Variants in ADGRL2 observed in about 807,000 individuals in gnomAD.
ADGRL2 encodes calcium-independent alpha-latrotoxin receptor 2.
Under a neutral mutation model 157.4 loss-of-function variants are expected in ADGRL2, and 44 were observed. The ratio of observed to expected loss-of-function variants is 0.28; its 90% CI spans 0.22 to 0.36. ADGRL2 has a LOEUF of 0.36. Among genes scored for constraint, ADGRL2 ranks in the 10% least tolerant of loss-of-function variants. The pLI, the probability that ADGRL2 is intolerant of heterozygous loss-of-function variation, is 1.00. For missense variants in ADGRL2, 1,510 were observed against 1,768.9 expected (o/e 0.85, Z 2.63); for synonymous variants, 585 against 624.7 (o/e 0.94, Z 0.95).
intron 2 of ADGRL2, among the ~76,000 whole-genome samples, chr1:81,868,915 G>C (rs930370315): frequency 2.0e-5 from 3 of 152,240 alleles, no homozygotes; most frequent in African/African-American, 7.2e-5. Context: ...AGATGCATTG[G>C]AATGTGTAAT....
chr1:81,534,451 C>T (rs995971440), intron 2 of ADGRL2, among the ~76,000 whole-genome samples: 5 of 152,150 alleles, frequency 3.3e-5, no homozygotes, highest in Admixed American at 6.5e-5. Flanking sequence ...CGTTAGCCAC[C>T]GCACCAGGCC....
intron 1 of ADGRL2, among the ~76,000 whole-genome samples, chr1:81,372,575 T>C (rs1281130935): frequency 1.3e-5 from 2 of 152,234 alleles, no homozygotes; most frequent in Non-Finnish European, 2.9e-5. Flanking sequence ...TTTGGCTTCC[T>C]TTGCTTATGG....
chr1:81,990,577 A>G lies in ADGRL2; in HGVS notation c.3842A>G (p.Asn1281Ser). 2.5e-6 allele frequency: 4 copies of G among 1,614,136 alleles called. No homozygotes were observed. Among genetic ancestry groups the G allele is most frequent in the Non-Finnish European group, 3.4e-6 (4 of 1,180,006 alleles). Residue 1281 changes from asparagine to serine, a missense_variant, in exon 24 of 24, where the codon AAC (asparagine) becomes AGC (serine). By Grantham distance (46) the Asn-to-Ser change is conservative (BLOSUM62 1). Coordinates refer to ENST00000686636, the MANE Select transcript of ADGRL2 (RefSeq NM_001366006.2). ...KMIISELVHN[N>S]LRGSSKTHNL... ...ATCATTTCAGAATTAGTGCACAACA[A>G]CTTACGGGGCAGCAGCAAGACTCAC...
chr1:81,935,650 A>G (rs1255729040), intron 3 of ADGRL2, among the ~76,000 whole-genome samples: 1 of 151,990 alleles, frequency 6.6e-6, no homozygotes, highest in Non-Finnish European at 1.5e-5. Flanking sequence ...CAACTGTTAC[A>G]TAAATGTTAT....
At chr1:81,528,713 A>G (rs1486408298) in intron 2 of ADGRL2, among the ~76,000 whole-genome samples, 1 of 151,824 alleles carries the variant, frequency 6.6e-6, no homozygotes, top group Admixed American at 6.6e-5. Context: ...TGGTAGTCTG[A>G]ACACCTGGAA....
chr1:81,810,586 C>T (rs540768919), intron 1 of ADGRL2, among the ~76,000 whole-genome samples: 3 of 151,990 alleles, frequency 2.0e-5, no homozygotes, highest in South Asian at 2.1e-4. Context: ...TTAGTTCTTA[C>T]AATTCCTGAC....
At chr1:81,575,349 G>T (rs1017736374) in intron 2 of ADGRL2, among the ~76,000 whole-genome samples, 1 of 151,976 alleles carries the variant, frequency 6.6e-6, no homozygotes, top group Admixed American at 6.6e-5. Context: ...TTAAATTCAC[G>T]GAAAGGTTAA....
At chr1:81,554,292 A>C (rs2080219419) in intron 2 of ADGRL2, among the ~76,000 whole-genome samples, 1 of 152,190 alleles carries the variant, frequency 6.6e-6, no homozygotes, top group African/African-American at 2.4e-5. Context: ...ATATTGGCAG[A>C]GTGCCACTTG....
chr1:81,869,075 C>T (rs1327492250), intron 2 of ADGRL2, among the ~76,000 whole-genome samples: 1 of 152,014 alleles, frequency 6.6e-6, no homozygotes, highest in Admixed American at 6.6e-5. Context: ...TGAAATCAGT[C>T]AGACTTGGAG....
chr1:81,483,390 A>G (rs2078432608), intron 2 of ADGRL2, among the ~76,000 whole-genome samples: 2 of 152,230 alleles, frequency 1.3e-5, no homozygotes, highest in Admixed American at 1.3e-4. Flanking sequence ...GCATTTAGCA[A>G]CATAGAAGTA....
chr1:81,786,961 T>A (rs183393679), intron 2 of ADGRL2, among the ~76,000 whole-genome samples: 1 of 152,294 alleles, frequency 6.6e-6, no homozygotes, highest in African/African-American at 2.4e-5. Context: ...AGGGACCCGG[T>A]AGGAGATAAT....
At chr1:81,313,998 C>A (rs921292197) in intron 1 of ADGRL2, among the ~76,000 whole-genome samples, 1 of 152,108 alleles carries the variant, frequency 6.6e-6, no homozygotes, top group Non-Finnish European at 1.5e-5. Context: ...ATATTAAGTG[C>A]ACTGTTAGTG....
rs1469326410 is a variant in ADGRL2 at position 81,642,969 on chromosome 1, AC to A, written c.-143+61990del. Among the ~76,000 whole-genome samples, 20 of 152,208 alleles carry A rather than the reference AC, an allele frequency of 1.3e-4. 1 individual carries two copies. ...ATACGAAAAAGAAATCCTACAGCTA[AC>A]ATCTTACTTAGTGGTGAGAAACTCA... On this transcript the variant is annotated intron_variant, in intron 3 of 24. Coordinates refer to the ADGRL2 transcript ENST00000370721.
chr1:81,374,579 A>AAAAAAAAAAAACAAAC (rs922521913), intron 1 of ADGRL2, among the ~76,000 whole-genome samples: 20 of 30,652 alleles, frequency 6.5e-4, no homozygotes, highest in South Asian at 2.7e-3. Flanking sequence ...CTCAAAAAAG[A>AAAAAAAAAAAACAAAC]AAAAAAAAAC....
In ADGRL2 at chr1:81,461,930, AGGG is replaced by A. The variant is rs71693648; in HGVS notation, c.-248+16851_-248+16853del. On this transcript the variant is annotated intron_variant, in intron 2 of 24. Coordinates refer to the ADGRL2 transcript ENST00000370721. ...TTCCAAAGAAGGAAGAAAAGAAGAA[AGGG>A]GGGGGGGGGTGGTGGAGAAAGAGAG... Among the ~76,000 whole-genome samples the A allele has an allele frequency of 3.8e-3, 253 of 67,286 alleles. 9 individuals are homozygous for A. The highest frequency in any genetic ancestry group is 0.011 in the African/African-American group (219 of 20,484). 44.1% of individuals were successfully genotyped at this position (67,286 alleles called of 152,430 possible). A position where few individuals can be genotyped will look rare whatever the true frequency, so the allele number is the denominator to read the frequency against.
rs117985723 is a variant in ADGRL2, at chr1:81,824,533, C to T, written c.-100-12352C>T. 6.3e-4 allele frequency among the ~76,000 whole-genome samples: 96 copies of T among 152,234 alleles called. No individual in the cohort carries two copies. In the East Asian group the frequency reaches 0.017, roughly 27 times the overall value. ...CAAGCCATCCTCCTGCCTTGGCTCC[C>T]CAAATTGCTGGGATTTACAGGCATG... On this transcript the variant is annotated intron_variant, in intron 1 of 23. Transcript: ENST00000686636.
rs184826180 is a variant in ADGRL2, at chr1:81,751,759, A to C, written c.-142-10052A>C. 9.2e-5 allele frequency among the ~76,000 whole-genome samples: 14 copies of C among 152,328 alleles called. No individual in the cohort carries two copies. The East Asian group carries it at 1.9e-3, about 21-fold the overall frequency. Reference sequence around the variant, plus strand: ...GAAAATATCCTTGTTTGTTGAAAAAAATATGTTGAAGTATTTGGGAATAAT... The same window carrying C: ...GAAAATATCCTTGTTTGTTGAAAAACATATGTTGAAGTATTTGGGAATAAT... On this transcript the variant is annotated intron_variant, in intron 1 of 20. Transcript: ENST00000359929.
chr1:81,609,694 G>A (rs1490447506), intron 3 of ADGRL2, among the ~76,000 whole-genome samples: 1 of 152,298 alleles, frequency 6.6e-6, no homozygotes, highest in East Asian at 1.9e-4. Context: ...TATTCCAGAA[G>A]AAGTATTCTG....
chr1:81,970,941 T>G (rs1419144564), intron 16 of ADGRL2, among the ~76,000 whole-genome samples: 2 of 152,156 alleles, frequency 1.3e-5, no homozygotes, highest in Admixed American at 6.5e-5. Context: ...CATTCTGAAT[T>G]GTGACAGTAG....
Sources: gnomAD v4.1 joint callset for allele counts (sites outside exome capture counted in the v4.1 genomes callset) on GRCh38, gnomAD v4.1.1 for gene constraint, MANE v1.5 for transcripts, NCBI Gene and HGNC (gene_info 2026-07-23, HGNC 2026-07-21) for gene names.